Variants in CLDN14 observed in about 807,000 individuals in gnomAD.
CLDN14 encodes claudin-14.
Under a neutral mutation model 2.1 loss-of-function variants are expected in CLDN14, and 2 were observed. The ratio of observed to expected loss-of-function variants is 0.96; its 90% CI spans 0.39 to 3.01. CLDN14 has a LOEUF of 3.01. Ranked by LOEUF, CLDN14 falls within the 30% of genes most tolerant of loss-of-function variation. CLDN14 has a pLI of 0.09. For missense variants in CLDN14, 298 were observed against 328.0 expected (o/e 0.91, Z 0.71); for synonymous variants, 136 against 154.4 (o/e 0.88, Z 0.88).
intron 1 of CLDN14, among the ~76,000 whole-genome samples, chr21:36,547,958 G>T (rs1036985935): frequency 6.6e-6 from 1 of 152,154 alleles, no homozygotes; most frequent in African/African-American, 2.4e-5. Context: ...ATTACCTGGC[G>T]GTGTCACTTC....
Position 36,494,188 on chromosome 21 carries a change from A to G in CLDN14, c.-82+16175T>C, listed in dbSNP as rs143641368. Among the ~76,000 whole-genome samples the G allele has an allele frequency of 9.1e-4, 138 of 152,242 alleles. 1 individual carries two copies. Among genetic ancestry groups the G allele is most frequent in the African/African-American group, 3.2e-3 (131 of 41,564 alleles). ...AGACCATCTTCTCTCCCAGCGGGGG[A>G]CTGTGAGATTTCCTGCACACTGGTC... On this transcript the variant is annotated intron_variant, in intron 2 of 2. Transcript: ENST00000342108.
At chr21:36,485,869 TG>T in intron 2 of CLDN14, 2 of 542,538 alleles carry the variant, frequency 3.7e-6, no homozygotes, top group Non-Finnish European at 3.1e-6. Context: ...TTTTTTTTTA[TG>T]TTGCCAAGCT....
intron 1 of CLDN14, among the ~76,000 whole-genome samples, chr21:36,478,771 A>G (rs1181695164): frequency 1.3e-5 from 2 of 152,182 alleles, no homozygotes; most frequent in East Asian, 3.8e-4. Flanking sequence ...CAGCACTCCA[A>G]GGTTTGGGGA....
At chr21:36,486,112 A>G (rs763739743) in intron 2 of CLDN14, 2 of 1,344,890 alleles carry the variant, frequency 1.5e-6, no homozygotes, top group Non-Finnish European at 2.1e-6. Flanking sequence ...GGACACTCTG[A>G]AGGAACTCAG....
At chr21:36,542,184 T>G (rs2087494584) in intron 1 of CLDN14, among the ~76,000 whole-genome samples, 1 of 152,144 alleles carries the variant, frequency 6.6e-6, no homozygotes, top group Non-Finnish European at 1.5e-5. Flanking sequence ...AGGCTGGTCT[T>G]GAACTACTGA....
At chr21:36,523,133 G>A (rs149828181) in intron 1 of CLDN14, among the ~76,000 whole-genome samples, 82 of 152,274 alleles carry the variant, frequency 5.4e-4, no homozygotes, top group South Asian at 3.5e-3. Flanking sequence ...GATTGTCTGC[G>A]CCCAGGAGTC....
At chr21:36,556,341 T>C (rs772677687) in intron 1 of CLDN14, among the ~76,000 whole-genome samples, 18 of 152,174 alleles carry the variant, frequency 1.2e-4, no homozygotes, top group Non-Finnish European at 1.6e-4. Flanking sequence ...CAGCGATGGA[T>C]GAAGAATCAG....
At chr21:36,470,043 A>C (rs758903629) in intron 1 of CLDN14, among the ~76,000 whole-genome samples, 13 of 152,210 alleles carry the variant, frequency 8.5e-5, no homozygotes, top group African/African-American at 1.2e-4. Flanking sequence ...ACAAAAACAA[A>C]AACAACAACA....
intron 1 of CLDN14, among the ~76,000 whole-genome samples, chr21:36,552,488 T>C (rs1037296203): frequency 2.0e-5 from 3 of 152,182 alleles, no homozygotes; most frequent in African/African-American, 7.2e-5. Context: ...GGACTCATTA[T>C]CCTAAAAGGG....
intron 1 of CLDN14, among the ~76,000 whole-genome samples, chr21:36,523,777 A>AAAAAAGAGAG (rs2087294939): frequency 1.5e-5 from 1 of 68,892 alleles, no homozygotes; most frequent in African/African-American, 6.5e-5. Context: ...GAAAGAGAGA[A>AAAAAAGAGAG]AGAGAGAAAG....
At chr21:36,571,588 TG>T (rs1246041810) in intron 1 of CLDN14, among the ~76,000 whole-genome samples, 1 of 152,194 alleles carries the variant, frequency 6.6e-6, no homozygotes, top group Non-Finnish European at 1.5e-5. Flanking sequence ...TTCTTAGAGT[TG>T]GAAGGTTTCC....
At chr21:36,494,347 TC>T (rs1213152437) in intron 2 of CLDN14, among the ~76,000 whole-genome samples, 1 of 152,076 alleles carries the variant, frequency 6.6e-6, no homozygotes, top group Non-Finnish European at 1.5e-5. Flanking sequence ...GAGAGGATAT[TC>T]CTAACAAATT....
intron 1 of CLDN14, among the ~76,000 whole-genome samples, chr21:36,530,711 A>T (rs985915712): frequency 1.3e-5 from 2 of 152,144 alleles, no homozygotes; most frequent in Admixed American, 6.6e-5. Context: ...TGGAGAATAA[A>T]CAGGTAGCAA....
At chr21:36,467,185 T>C (rs541037607) in intron 1 of CLDN14, among the ~76,000 whole-genome samples, 45 of 152,264 alleles carry the variant, frequency 3.0e-4, no homozygotes, top group African/African-American at 9.4e-4. Context: ...CTCCCTCTGT[T>C]TTCTCTGAGC....
At chr21:36,532,361 T>C (rs1354952556) in intron 1 of CLDN14, 3 of 150,310 alleles carry the variant, frequency 2.0e-5, no homozygotes, top group African/African-American at 7.4e-5. Context: ...ATATATACAA[T>C]TGTTACATGT....
intron 1 of CLDN14, among the ~76,000 whole-genome samples, chr21:36,555,862 A>AGT (rs35050626): frequency 2.8e-5 from 4 of 142,928 alleles, no homozygotes; most frequent in Admixed American, 6.9e-5. Context: ...AGAGAGAGAG[A>AGT]GTGTGTGTGT....
rs529764082 is a variant in CLDN14 at position 36,501,751 on chromosome 21, A to C, written c.-82+8612T>G. On this transcript the variant is annotated intron_variant, in intron 2 of 2. Coordinates refer to the CLDN14 transcript ENST00000342108. Reference sequence around the variant, plus strand: ...TTTCAGTAGCCTGGCCCTAAATTAAAGGGCCCATGGTTTTCTCTAGTTGAA... The same window carrying C: ...TTTCAGTAGCCTGGCCCTAAATTAACGGGCCCATGGTTTTCTCTAGTTGAA... Among the ~76,000 whole-genome samples the C allele has an allele frequency of 5.9e-5, 9 of 152,242 alleles. No homozygotes were observed. The South Asian group carries it at 1.9e-3, about 32-fold the overall frequency.
In CLDN14 at chr21:36,498,863, C is replaced by T. The variant is rs1031381658; in HGVS notation, c.-82+11500G>A. ...GGCCCTCATGGGGGCTGAAATTCAA[C>T]CAAGGCTTGATTCCTGCCTGAGGTG... On this transcript the variant is annotated intron_variant, in intron 2 of 2. Transcript: ENST00000342108. The surrounding 1 kb of genome is among the most constrained non-coding windows in gnomAD (Gnocchi z 4.9). Among the ~76,000 whole-genome samples, 6 of 152,118 alleles carry T rather than the reference C, an allele frequency of 3.9e-5. No homozygotes were observed. The highest frequency in any genetic ancestry group is 1.4e-4 in the African/African-American group (6 of 41,424).
At chr21:36,575,020 C>G (rs2087732165) in intron 1 of CLDN14, among the ~76,000 whole-genome samples, 1 of 152,224 alleles carries the variant, frequency 6.6e-6, no homozygotes, top group East Asian at 1.9e-4. Context: ...AACAGACACA[C>G]TTGTCTCTCC....
Sources: allele counts gnomAD v4.1 joint callset (sites outside exome capture counted in the v4.1 genomes callset), GRCh38; gene constraint gnomAD v4.1.1; non-coding constraint Gnocchi (gnomAD v3.1); transcripts MANE v1.5; gene names NCBI Gene and HGNC (gene_info 2026-07-23, HGNC 2026-07-21).